The following PPP1R12A variants were observed in gnomAD, a reference collection of about 807,000 sequenced individuals.
The protein encoded by PPP1R12A is protein phosphatase 1 regulatory subunit 12A, also known as myosin binding subunit.
PPP1R12A carries 19 observed loss-of-function variants against 139.6 expected under a neutral mutation model. The observed-to-expected ratio is 0.14, with a 90% CI of 0.09 to 0.20. PPP1R12A has a LOEUF of 0.20. Among genes scored for constraint, PPP1R12A ranks in the 10% least tolerant of loss-of-function variants. The pLI is 1.00. For synonymous variants in PPP1R12A, 427 were observed against 420.6 expected (o/e 1.02, Z -0.19); for missense variants, 925 against 1,211.5 (o/e 0.76, Z 3.51).
At chr12:79,821,963 C>T (rs1319632249) in intron 6 of PPP1R12A, among the ~76,000 whole-genome samples, 153 bp downstream of exon 6, 1 of 152,032 alleles carries the variant, frequency 6.6e-6, no homozygotes, top group Non-Finnish European at 1.5e-5. Flanking sequence ...CTAAATATCA[C>T]CATCCTTTAT....
chr12:79,849,847 C>G (rs867630149), intron 2 of PPP1R12A, among the ~76,000 whole-genome samples: 7 of 152,216 alleles, frequency 4.6e-5, no homozygotes, highest in South Asian at 2.1e-4. Flanking sequence ...TTTGAAGAGA[C>G]AGTCTCATTC....
At chr12:79,777,374 T>C (rs1392970285) in intron 24 of PPP1R12A, 11 of 984,230 alleles carry the variant, frequency 1.1e-5, no homozygotes, top group Non-Finnish European at 1.3e-5. Context: ...ATTTCTAACA[T>C]TCTAAGAAGC....
intron 1 of PPP1R12A, among the ~76,000 whole-genome samples, chr12:79,884,440 C>T (rs1376778187): frequency 2.0e-5 from 3 of 151,936 alleles, no homozygotes; most frequent in Admixed American, 6.5e-5. Flanking sequence ...AAAGCATTGC[C>T]GCAAAATATA....
intron 1 of PPP1R12A, among the ~76,000 whole-genome samples, chr12:79,907,679 A>G (rs1438343947): frequency 2.0e-5 from 3 of 152,224 alleles, no homozygotes; most frequent in African/African-American, 7.2e-5. Flanking sequence ...CAGGAGGATC[A>G]CTTGAGGCCA....
At chr12:79,929,435 G>C (rs553164189) in intron 1 of PPP1R12A, among the ~76,000 whole-genome samples, 1 of 152,198 alleles carries the variant, frequency 6.6e-6, no homozygotes, top group East Asian at 1.9e-4. Flanking sequence ...CCAATATCTA[G>C]ACTGCTTTAA....
At chr12:79,886,914 C>T (rs577277315) in intron 1 of PPP1R12A, among the ~76,000 whole-genome samples, 1 of 152,072 alleles carries the variant, frequency 6.6e-6, no homozygotes, top group East Asian at 1.9e-4. Context: ...TACATTGAAC[C>T]TAGATTTTTA....
intron 1 of PPP1R12A, among the ~76,000 whole-genome samples, chr12:79,920,855 G>A (rs1252840937): frequency 1.3e-5 from 2 of 152,180 alleles, no homozygotes; most frequent in Non-Finnish European, 2.9e-5. Flanking sequence ...CGCCATAGCT[G>A]TAATAAGTAA....
At chr12:79,922,655 G>A (rs1474895767) in intron 1 of PPP1R12A, among the ~76,000 whole-genome samples, 1 of 152,138 alleles carries the variant, frequency 6.6e-6, no homozygotes, top group Non-Finnish European at 1.5e-5. Context: ...CATGGACACA[G>A]GGAGGACCAT....
rs541278460 is a variant in PPP1R12A at position 79,862,798 on chromosome 12, C to T, written c.368+10010G>A. 2.4e-4 allele frequency among the ~76,000 whole-genome samples: 36 copies of T among 152,210 alleles called. No individual in the cohort carries two copies. In the South Asian group the frequency reaches 7.1e-3, roughly 30 times the overall value. ...CAGTAAAAAGAAATGAATAAAGCCT[C>T]CAAGAAATATGGGACTATGTGAAAA... On this transcript the variant is annotated intron_variant, in intron 2 of 24. Transcript: ENST00000450142.
intron 21 of PPP1R12A, chr12:79,788,403 C>T (rs892085345): frequency 5.4e-6 from 2 of 367,900 alleles, no homozygotes; most frequent in Non-Finnish European, 9.9e-6. Context: ...TTATTGAACG[C>T]TCCTTTCCAG....
intron 22 of PPP1R12A, among the ~76,000 whole-genome samples, chr12:79,785,058 A>G (rs1160136096): frequency 1.3e-5 from 2 of 152,236 alleles, no homozygotes; most frequent in African/African-American, 4.8e-5. Context: ...AACCTGAAGG[A>G]TGATGACAAG....
At chr12:79,923,973 G>A (rs867054018) in intron 1 of PPP1R12A, among the ~76,000 whole-genome samples, 2 of 152,190 alleles carry the variant, frequency 1.3e-5, no homozygotes, top group Non-Finnish European at 2.9e-5. Flanking sequence ...GAACCTGGGA[G>A]GCGGCGTTTG....
chr12:79,788,476 C>T, intron 21 of PPP1R12A, 172 bp downstream of exon 21: 1 of 573,868 alleles, frequency 1.7e-6, no homozygotes. Flanking sequence ...CTTTCTCTTC[C>T]CTTTAATAAA....
At chr12:79,916,804 C>CA (rs1887032975) in intron 1 of PPP1R12A, among the ~76,000 whole-genome samples, 1 of 152,124 alleles carries the variant, frequency 6.6e-6, no homozygotes, top group Non-Finnish European at 1.5e-5. Flanking sequence ...CAAACACTAG[C>CA]AAACTAAAAT....
intron 2 of PPP1R12A, among the ~76,000 whole-genome samples, chr12:79,858,723 T>C (rs1880968375): frequency 6.6e-6 from 1 of 151,898 alleles, no homozygotes; most frequent in Non-Finnish European, 1.5e-5. Flanking sequence ...AACCAGCAAA[T>C]AGATGGAAAG....
intron 2 of PPP1R12A, among the ~76,000 whole-genome samples, chr12:79,870,399 C>T (rs1420139097): frequency 1.3e-5 from 2 of 152,078 alleles, no homozygotes; most frequent in African/African-American, 4.8e-5. Flanking sequence ...CCACCATGCC[C>T]AACCTGCTAA....
chr12:79,839,115 G>T (rs1177086522), intron 3 of PPP1R12A, among the ~76,000 whole-genome samples: 2 of 152,194 alleles, frequency 1.3e-5, no homozygotes, highest in Non-Finnish European at 1.5e-5. Context: ...GCATGACCTG[G>T]ATGTGAGACA....
intron 1 of PPP1R12A, among the ~76,000 whole-genome samples, chr12:79,912,637 TG>T (rs1201929434): frequency 1.3e-5 from 2 of 150,460 alleles, no homozygotes; most frequent in African/African-American, 4.9e-5. Flanking sequence ...AAGGCTGCAG[TG>T]AGCCGTGATT....
At chr12:79,901,247 T>C (rs1424035905) in intron 1 of PPP1R12A, among the ~76,000 whole-genome samples, 1 of 152,152 alleles carries the variant, frequency 6.6e-6, no homozygotes, top group Non-Finnish European at 1.5e-5. Flanking sequence ...TTAGTAGTAA[T>C]CACACTCAAA....
Sources: gnomAD v4.1 joint callset for allele counts (sites outside exome capture counted in the v4.1 genomes callset) on GRCh38, gnomAD v4.1.1 for gene constraint, MANE v1.5 for transcripts, NCBI Gene and HGNC (gene_info 2026-07-23, HGNC 2026-07-21) for gene names.